Variants in GRID2IP observed in about 807,000 individuals in gnomAD.
GRID2IP encodes Grid2 interacting protein, also known as delphilin.
In GRID2IP, 78 loss-of-function variants were observed where a neutral mutation model predicts 114.3. That is an observed-to-expected ratio of 0.68 (90% CI 0.57 to 0.82). The LOEUF (loss-of-function observed/expected upper bound fraction) is 0.82, where lower values mean the gene tolerates loss of function less well. Ranked by LOEUF, GRID2IP falls within the 40% of genes least tolerant of loss-of-function variation. GRID2IP has a pLI of 0.00. For synonymous variants in GRID2IP, 809 were observed against 724.0 expected (o/e 1.12, Z -1.89); for missense variants, 1,727 against 1,678.5 (o/e 1.03, Z -0.51).
At chr7:6,533,973 T>C (rs1280732974) in intron 2 of GRID2IP, among the ~76,000 whole-genome samples, 4 of 152,130 alleles carry the variant, frequency 2.6e-5, no homozygotes, top group Non-Finnish European at 5.9e-5. Flanking sequence ...ATTATGGTGT[T>C]CATGACACTT....
chr7:6,536,846 G>A lies in GRID2IP; in HGVS notation c.584+2872C>T. On this transcript the variant is annotated intron_variant, in intron 2 of 21. Transcript: ENST00000457091. The surrounding 1 kb of genome is among the most constrained non-coding windows in gnomAD (Gnocchi z 5.3). ...CCTTACTCACCCCAGGCAGCTCATG[G>A]TGGCCTCTTTCGGTGGTGGTCGCCT... 1.4e-6 allele frequency: 1 copy of A among 701,518 alleles called. No homozygotes were observed. The highest frequency in any genetic ancestry group is 2.6e-6 in the Non-Finnish European group (1 of 384,348). 43.5% of individuals were successfully genotyped at this position (701,518 alleles called of 1,614,324 possible).
In GRID2IP at chr7:6,526,945, G is replaced by A. The variant is rs1392880781; in HGVS notation, c.585-176C>T. On this transcript the variant is annotated intron_variant, in intron 2 of 21. Coordinates refer to ENST00000457091, the MANE Select transcript of GRID2IP (RefSeq NM_001145118.2). This position sits in a 1 kb window ranked among gnomAD's most constrained non-coding sequence, Gnocchi z 7.6. ...CCGGTAGCACCCCAGTCTCCCCCTC[G>A]CTGCTCGGATTTGCGCCCCCAGCTA... 1.3e-5 allele frequency among the ~76,000 whole-genome samples: 2 copies of A among 152,266 alleles called. No homozygotes were observed. Among genetic ancestry groups the A allele is most frequent in the East Asian group, 3.9e-4 (2 of 5,164 alleles).
Position 6,539,707 on chromosome 7 carries a change from G to T in GRID2IP, c.584+11C>A, listed in dbSNP as rs1234294975. On this transcript the variant is annotated intron_variant, in intron 2 of 21. Transcript: ENST00000457091. ...ACCCTGCCTGTCTATCCTGCCCCCT[G>T]CCCGCAGTACCTGAGGTTGTCCAGG... is the stretch of plus-strand genomic sequence containing the variant. The T allele has an allele frequency of 1.2e-5, 19 of 1,541,474 alleles. No homozygotes were observed. The highest frequency in any genetic ancestry group is 2.0e-5 in the Admixed American group (1 of 50,176).
rs1368839734 is a variant in GRID2IP at position 6,519,152 on chromosome 7, A to C, written c.1268+1426T>G. Among the ~76,000 whole-genome samples, 2 of 152,056 alleles carry C rather than the reference A, an allele frequency of 1.3e-5. No homozygotes were observed. The highest frequency in any genetic ancestry group is 4.8e-5 in the African/African-American group (2 of 41,422). On this transcript the variant is annotated intron_variant, in intron 7 of 21. Coordinates refer to ENST00000457091, the MANE Select transcript of GRID2IP (RefSeq NM_001145118.2). The surrounding 1 kb of genome is among the most constrained non-coding windows in gnomAD (Gnocchi z 4.1). ...GACTGGTTTTGAACTCCTGGGCTCA[A>C]GCGATCCTCCTGCCTCAGCCTCCCA...
chr7:6,524,998 C>T lies in GRID2IP; in HGVS notation c.919+1226G>A, dbSNP rs555345152. 8.4e-4 allele frequency among the ~76,000 whole-genome samples: 127 copies of T among 152,032 alleles called. 1 individual carries two copies. The highest frequency in any genetic ancestry group is 3.0e-3 in the African/African-American group (123 of 41,540). On this transcript the variant is annotated intron_variant, in intron 4 of 21. Transcript: ENST00000457091. Reference sequence around the variant, plus strand: ...CTCCTAAAATGCTGCCCCGGCCAACCTCATCTCTTAAAATAAAATAAAATA... The same window carrying T: ...CTCCTAAAATGCTGCCCCGGCCAACTTCATCTCTTAAAATAAAATAAAATA...
rs542160664 is a variant in GRID2IP, at chr7:6,528,559, C to T, written c.585-1790G>A. On this transcript the variant is annotated intron_variant, in intron 2 of 21. Transcript: ENST00000457091. This position sits in a 1 kb window ranked among gnomAD's most constrained non-coding sequence, Gnocchi z 6.0. Reference sequence around the variant, plus strand: ...AGGCCCCCTTCCCTGTTCCTTGTACCAGGTGCCAGGGCCAAGGGCAAGATG... The same window carrying T: ...AGGCCCCCTTCCCTGTTCCTTGTACTAGGTGCCAGGGCCAAGGGCAAGATG... Among the ~76,000 whole-genome samples the T allele has an allele frequency of 2.4e-4, 37 of 152,324 alleles. No individual in the cohort carries two copies. The highest frequency in any genetic ancestry group is 7.9e-4 in the African/African-American group (33 of 41,574).
chr7:6,522,305 G>A (rs1779427458), intron 4 of GRID2IP, among the ~76,000 whole-genome samples: 1 of 152,126 alleles, frequency 6.6e-6, no homozygotes, highest in Non-Finnish European at 1.5e-5. Flanking sequence ...AGGATCTAAG[G>A]ACCACGGGAG....
rs895771710 is a variant in GRID2IP, at chr7:6,534,326, G to C, written c.584+5392C>G. On this transcript the variant is annotated intron_variant, in intron 2 of 21. Transcript: ENST00000457091. This position sits in a 1 kb window ranked among gnomAD's most constrained non-coding sequence, Gnocchi z 4.5. Reference sequence around the variant, plus strand: ...TCCTGAAACGCTAGCGGACCACAAAGCTGACTCTGCTTTCCTGTTCCCTCC... The same window carrying C: ...TCCTGAAACGCTAGCGGACCACAAACCTGACTCTGCTTTCCTGTTCCCTCC... 3.3e-5 allele frequency among the ~76,000 whole-genome samples: 5 copies of C among 152,128 alleles called. No individual in the cohort carries two copies. The highest frequency in any genetic ancestry group is 1.2e-4 in the African/African-American group (5 of 41,432).
intron 1 of GRID2IP, among the ~76,000 whole-genome samples, chr7:6,547,900 A>C (rs758696115): frequency 2.0e-5 from 3 of 152,122 alleles, no homozygotes; most frequent in Non-Finnish European, 4.4e-5. Flanking sequence ...TGCAATAGTC[A>C]AACTCCGACA....
Position 6,532,099 on chromosome 7 carries a change from C to G in GRID2IP, c.585-5330G>C, listed in dbSNP as rs1779638836. On this transcript the variant is annotated intron_variant, in intron 2 of 21. Transcript: ENST00000457091. This position sits in a 1 kb window ranked among gnomAD's most constrained non-coding sequence, Gnocchi z 4.4. ...GGAGGTCTGGACTCATCCCTGGAGG[C>G]TCTGGGCCTGCCATCCCCTGAACAG... 6.6e-6 allele frequency among the ~76,000 whole-genome samples: 1 copy of G among 152,226 alleles called. No individual in the cohort carries two copies. The highest frequency in any genetic ancestry group is 6.5e-5 in the Admixed American group (1 of 15,288).
At chr7:6,524,859 G>C (rs1779478984) in intron 4 of GRID2IP, among the ~76,000 whole-genome samples, 1 of 151,744 alleles carries the variant, frequency 6.6e-6, no homozygotes, top group African/African-American at 2.4e-5. Flanking sequence ...TGGGACTACA[G>C]GCACCTGCCA....
At chr7:6,522,597 C>T (rs779748321) in intron 4 of GRID2IP, among the ~76,000 whole-genome samples, 1 of 151,996 alleles carries the variant, frequency 6.6e-6, no homozygotes, top group Non-Finnish European at 1.5e-5. Flanking sequence ...AGCAGTCTTC[C>T]CACCTCAGGC....
chr7:6,497,993 G>C (rs989132205), intron 21 of GRID2IP, 71 bp downstream of exon 21: 1 of 1,456,066 alleles, frequency 6.9e-7, no homozygotes, highest in Non-Finnish European at 9.2e-7. Context: ...TGGCTTCATG[G>C]AGGATCCCTT....
chr7:6,503,254 T>C (rs779588842), intron 16 of GRID2IP, 91 bp from the exon 17 acceptor site: 32 of 1,169,698 alleles, frequency 2.7e-5, no homozygotes, highest in Non-Finnish European at 3.5e-5. Flanking sequence ...GGGGATCTGC[T>C]GGCTGCTTCG....
At chr7:6,510,045 G>C (rs762994791) in intron 11 of GRID2IP, among the ~76,000 whole-genome samples, 4 of 152,108 alleles carry the variant, frequency 2.6e-5, no homozygotes, top group Non-Finnish European at 4.4e-5. Flanking sequence ...TGCCAGGCTG[G>C]TCTCAAACTC....
chr7:6,549,975 T>G (rs1307880245), intron 1 of GRID2IP, among the ~76,000 whole-genome samples: 1 of 151,834 alleles, frequency 6.6e-6, no homozygotes. Flanking sequence ...AGAAGCGATA[T>G]CTGTGGCTCT....
Position 6,526,285 on chromosome 7 carries a change from G to T in GRID2IP, c.858C>A (p.Asn286Lys), listed in dbSNP as rs1468269625. The change falls in exon 4 of 22, where the codon AAC becomes AAA. Residue 286 changes from asparagine (N) to lysine (K), a missense_variant. Transcript: ENST00000457091. This position sits in a 1 kb window ranked among gnomAD's most constrained non-coding sequence, Gnocchi z 7.6. ...ARRTVRVYKG[N>K]KSFGFTLRGH... ...CGCGAAGTGTGAAGCCGAAGCTCTT[G>T]TTGCCTTTGTAGACTCGGACAGTCC... 1 of 1,551,996 alleles carries T rather than the reference G, an allele frequency of 6.4e-7. No homozygotes were observed. The highest frequency in any genetic ancestry group is 8.7e-7 in the Non-Finnish European group (1 of 1,147,038).
chr7:6,533,821 A>T (rs961261916), intron 2 of GRID2IP, among the ~76,000 whole-genome samples: 11 of 150,204 alleles, frequency 7.3e-5, no homozygotes, highest in Non-Finnish European at 1.5e-4. Flanking sequence ...AATTTTTTAT[A>T]TGTATTTTTT....
At position 6,526,589 on chromosome 7, in the gene GRID2IP, G is replaced by C. The variant is rs1282836535; in HGVS notation, c.765C>G (p.Pro255=). 4.8e-5 allele frequency: 57 copies of C among 1,192,978 alleles called. No homozygotes were observed. Among genetic ancestry groups the C allele is most frequent in the East Asian group, 4.3e-4 (12 of 28,046 alleles). 73.9% of individuals were successfully genotyped at this position (1,192,978 alleles called of 1,614,324 possible). A position where few individuals can be genotyped will look rare whatever the true frequency, so the allele number is the denominator to read the frequency against. ...STRASAPPRR[P]DEPPPRRASL... is the part of the protein sequence containing the mutation. Reference sequence around the variant, plus strand: ...AGGCCCTGCGCGGGGGCGGCTCATCGGGGCGGCGCGGCGGGGCGCTGGCGC... The same window carrying C: ...AGGCCCTGCGCGGGGGCGGCTCATCCGGGCGGCGCGGCGGGGCGCTGGCGC... The change falls in exon 3 of 22, where the codon CCC becomes CCG. Residue 255 remains proline (P), a synonymous_variant. Transcript: ENST00000457091. This position sits in a 1 kb window ranked among gnomAD's most constrained non-coding sequence, Gnocchi z 7.6.
Sources: gnomAD v4.1 joint callset for allele counts (sites outside exome capture counted in the v4.1 genomes callset) on GRCh38, gnomAD v4.1.1 for gene constraint, Gnocchi (gnomAD v3.1) non-coding constraint, MANE v1.5 for transcripts, NCBI Gene and HGNC (gene_info 2026-07-23, HGNC 2026-07-21) for gene names.